The following KCTD16 variants were observed in gnomAD, a reference collection of about 807,000 sequenced individuals.
KCTD16 encodes BTB/POZ domain-containing protein KCTD16.
Under a neutral mutation model 33.2 loss-of-function variants are expected in KCTD16, and 13 were observed. That is an observed-to-expected ratio of 0.39 (90% CI 0.25 to 0.62). KCTD16 has a LOEUF of 0.62. Among genes scored for constraint, KCTD16 ranks in the 20% least tolerant of loss-of-function variants. The pLI, the probability that KCTD16 is intolerant of heterozygous loss-of-function variation, is 0.50. For missense variants in KCTD16, 441 were observed against 525.1 expected (o/e 0.84, Z 1.57); for synonymous variants, 197 against 195.3 (o/e 1.01, Z -0.07).
intron 3 of KCTD16, among the ~76,000 whole-genome samples, chr5:144,431,014 G>T (rs1425428227): frequency 6.6e-6 from 1 of 152,040 alleles, no homozygotes; most frequent in Non-Finnish European, 1.5e-5. Flanking sequence ...TAGTCCTCCT[G>T]AAGACCAAAC....
At chr5:144,436,276 A>T (rs536792337) in intron 3 of KCTD16, among the ~76,000 whole-genome samples, 4 of 152,324 alleles carry the variant, frequency 2.6e-5, no homozygotes, top group African/African-American at 9.6e-5. Flanking sequence ...ACTTATTATG[A>T]TTAATATGAT....
chr5:144,248,596 T>C (rs1754613793), intron 3 of KCTD16, among the ~76,000 whole-genome samples: 1 of 152,188 alleles, frequency 6.6e-6, no homozygotes, highest in Non-Finnish European at 1.5e-5. Context: ...TGTCGAGAGA[T>C]GTGGTTGGGA....
chr5:144,354,668 G>A (rs1444387409), intron 3 of KCTD16, among the ~76,000 whole-genome samples: 3 of 152,150 alleles, frequency 2.0e-5, no homozygotes, highest in African/African-American at 7.2e-5. Flanking sequence ...TACATTTATT[G>A]AATAAATGAT....
chr5:144,243,982 A>G (rs1754478660), intron 3 of KCTD16, among the ~76,000 whole-genome samples: 1 of 152,052 alleles, frequency 6.6e-6, no homozygotes, highest in East Asian at 1.9e-4. Context: ...TGACTTCATG[A>G]TCTACCTGCC....
At chr5:144,356,850 C>T (rs966033213) in intron 3 of KCTD16, among the ~76,000 whole-genome samples, 1 of 152,056 alleles carries the variant, frequency 6.6e-6, no homozygotes, top group African/African-American at 2.4e-5. Flanking sequence ...TCTCCATTCC[C>T]TTCCCTTCTT....
intron 3 of KCTD16, among the ~76,000 whole-genome samples, chr5:144,322,593 A>G (rs1194229389): frequency 6.6e-6 from 1 of 152,098 alleles, no homozygotes; most frequent in Non-Finnish European, 1.5e-5. Context: ...AAATCTCTGA[A>G]TCTAGCCATG....
chr5:144,282,325 T>A (rs1755629022), intron 3 of KCTD16, among the ~76,000 whole-genome samples: 1 of 152,092 alleles, frequency 6.6e-6, no homozygotes, highest in Non-Finnish European at 1.5e-5. Flanking sequence ...AGAGAGGGCA[T>A]AAAACTTCAT....
intron 3 of KCTD16, among the ~76,000 whole-genome samples, chr5:144,374,177 G>A (rs1323683816): frequency 6.6e-6 from 1 of 152,150 alleles, no homozygotes; most frequent in Non-Finnish European, 1.5e-5. Context: ...CGTCTTTGTG[G>A]GGGCCATTAT....
At chr5:144,450,834 A>G (rs1400693003) in intron 3 of KCTD16, among the ~76,000 whole-genome samples, 1 of 152,138 alleles carries the variant, frequency 6.6e-6, no homozygotes, top group Admixed American at 6.6e-5. Context: ...TGGGTAAAAA[A>G]TTTCAGTTAT....
chr5:144,342,350 G>T (rs1349622006), intron 3 of KCTD16, among the ~76,000 whole-genome samples: 1 of 152,164 alleles, frequency 6.6e-6, no homozygotes, highest in Non-Finnish European at 1.5e-5. Flanking sequence ...GTGAATGGGA[G>T]TTCATTCATG....
At chr5:144,412,971 A>T (rs1163337157) in intron 3 of KCTD16, among the ~76,000 whole-genome samples, 1 of 152,196 alleles carries the variant, frequency 6.6e-6, no homozygotes, top group Non-Finnish European at 1.5e-5. Context: ...ATATTTTAAG[A>T]TGGCTAGAAT....
rs184085261 is a variant in KCTD16 at position 144,357,449 on chromosome 5, G to A, written c.833-116211G>A. 4.7e-4 allele frequency among the ~76,000 whole-genome samples: 71 copies of A among 152,282 alleles called. 1 individual carries two copies. The highest frequency in any genetic ancestry group is 4.1e-3 in the Admixed American group (63 of 15,292). Reference sequence around the variant, plus strand: ...CAATGAGCCTTTCTTGAAATCTGGAGTCTTCTGGGATGAATTGTAACAGGG... The same window carrying A: ...CAATGAGCCTTTCTTGAAATCTGGAATCTTCTGGGATGAATTGTAACAGGG... On this transcript the variant is annotated intron_variant, in intron 3 of 3. Transcript: ENST00000512467.
chr5:144,403,346 C>A (rs952926609), intron 3 of KCTD16, among the ~76,000 whole-genome samples: 1 of 152,108 alleles, frequency 6.6e-6, no homozygotes, highest in Non-Finnish European at 1.5e-5. Context: ...TAATCCAATG[C>A]ATGGTGTTCT....
intron 3 of KCTD16, among the ~76,000 whole-genome samples, chr5:144,241,339 G>A (rs1754399197): frequency 6.6e-6 from 1 of 152,114 alleles, no homozygotes; most frequent in African/African-American, 2.4e-5. Flanking sequence ...GAGGTTGAAA[G>A]TTTACATTGA....
chr5:144,376,497 C>T (rs1752096629), intron 3 of KCTD16, among the ~76,000 whole-genome samples: 1 of 151,880 alleles, frequency 6.6e-6, no homozygotes, highest in African/African-American at 2.4e-5. Flanking sequence ...AGGTTTCACA[C>T]AAAAATTGGA....
chr5:144,403,318 G>A (rs1002368353), intron 3 of KCTD16, among the ~76,000 whole-genome samples: 1 of 152,158 alleles, frequency 6.6e-6, no homozygotes, highest in Non-Finnish European at 1.5e-5. Context: ...GTTAAAATGA[G>A]ATTATACTGA....
chr5:144,318,293 T>C (rs1032474457), intron 3 of KCTD16, among the ~76,000 whole-genome samples: 2 of 152,200 alleles, frequency 1.3e-5, no homozygotes, highest in African/African-American at 2.4e-5. Context: ...GTACACACTT[T>C]GATCTACCTT....
intron 1 of KCTD16, among the ~76,000 whole-genome samples, chr5:144,171,571 C>A (rs1466704152): frequency 6.6e-6 from 1 of 152,184 alleles, no homozygotes; most frequent in Non-Finnish European, 1.5e-5. Context: ...CTCCCCCCAA[C>A]CAACCACCAC....
intron 3 of KCTD16, among the ~76,000 whole-genome samples, chr5:144,323,168 A>T (rs952193828): frequency 6.6e-6 from 1 of 152,174 alleles, no homozygotes; most frequent in Non-Finnish European, 1.5e-5. Context: ...TGTGAAATAG[A>T]TTGAAAAATC....
Sources: allele counts gnomAD v4.1 joint callset (sites outside exome capture counted in the v4.1 genomes callset), GRCh38; gene constraint gnomAD v4.1.1; transcripts MANE v1.5; gene names NCBI Gene and HGNC (gene_info 2026-07-23, HGNC 2026-07-21).